AGPS: variants seen among roughly 807,000 people sequenced by gnomAD.
AGPS encodes the protein alkylglycerone phosphate synthase.
Under a neutral mutation model 90.7 loss-of-function variants are expected in AGPS, and 26 were observed. The observed-to-expected ratio is 0.29, with a 90% CI of 0.21 to 0.40. The LOEUF (loss-of-function observed/expected upper bound fraction) is 0.40, where lower values mean the gene tolerates loss of function less well. AGPS is among the 10% of genes least tolerant of loss of function. AGPS has a pLI of 1.00. For missense variants in AGPS, 540 were observed against 816.1 expected (o/e 0.66, Z 4.12); for synonymous variants, 294 against 285.3 (o/e 1.03, Z -0.31).
intron 11 of AGPS, among the ~76,000 whole-genome samples, chr2:177,485,285 T>G (rs545380994): frequency 1.3e-5 from 2 of 152,330 alleles, no homozygotes; most frequent in South Asian, 2.1e-4. Flanking sequence ...CCATCTACTT[T>G]TCCACACTGC....
At chr2:177,517,884 C>G (rs1266651556) in intron 17 of AGPS, among the ~76,000 whole-genome samples, 1 of 152,110 alleles carries the variant, frequency 6.6e-6, no homozygotes, top group East Asian at 1.9e-4. Context: ...TTGAAGAATA[C>G]TGGCCAGTTA....
intron 11 of AGPS, 133 bp from the exon 12 acceptor site, chr2:177,493,015 T>C: frequency 2.6e-6 from 2 of 783,142 alleles, no homozygotes; most frequent in Non-Finnish European, 4.1e-6. Context: ...AAAAGTTAAC[T>C]TTTTTTCCTC....
intron 12 of AGPS, 90 bp from the exon 13 acceptor site, chr2:177,497,599 C>A: frequency 1.6e-6 from 1 of 609,470 alleles, no homozygotes; most frequent in Non-Finnish European, 2.7e-6. Flanking sequence ...AAAACTTTTA[C>A]TTTCTTTTAG....
intron 18 of AGPS, among the ~76,000 whole-genome samples, chr2:177,522,873 C>A (rs1470811552): frequency 6.6e-6 from 1 of 152,132 alleles, no homozygotes; most frequent in African/African-American, 2.4e-5. Flanking sequence ...TTTTGAGAGG[C>A]CCAAGGTACT....
chr2:177,484,681 AT>A (rs750221480), intron 11 of AGPS, among the ~76,000 whole-genome samples: 9 of 151,956 alleles, frequency 5.9e-5, no homozygotes, highest in Non-Finnish European at 1.2e-4. Context: ...AGTTCATGTC[AT>A]TTCTTGTTCA....
intron 9 of AGPS, among the ~76,000 whole-genome samples, chr2:177,467,786 T>G (rs1259242395): frequency 1.3e-5 from 2 of 152,168 alleles, no homozygotes; most frequent in Non-Finnish European, 2.9e-5. Context: ...TAACCACTTC[T>G]GATTCAGATC....
intron 6 of AGPS, among the ~76,000 whole-genome samples, chr2:177,441,856 A>G (rs952746): frequency 0.61 from 92,718 of 152,170 alleles, 30,909 homozygotes; most frequent in Non-Finnish European, 0.72. Flanking sequence ...ATTATTCTAT[A>G]TTAAAATCAC....
intron 19 of AGPS, among the ~76,000 whole-genome samples, chr2:177,536,599 A>G (rs1051085082): frequency 1.3e-5 from 2 of 152,112 alleles, no homozygotes; most frequent in African/African-American, 4.8e-5. Context: ...TCCTGGTAGA[A>G]TATCTTTTAG....
At chr2:177,517,601 T>C (rs1033359673) in intron 17 of AGPS, among the ~76,000 whole-genome samples, 4 of 152,194 alleles carry the variant, frequency 2.6e-5, no homozygotes, top group Non-Finnish European at 5.9e-5. Context: ...AGAATCCCTC[T>C]TGATGGAGAT....
At chr2:177,422,161 A>G (rs1205387030) in intron 2 of AGPS, among the ~76,000 whole-genome samples, 1 of 152,170 alleles carries the variant, frequency 6.6e-6, no homozygotes, top group Non-Finnish European at 1.5e-5. Flanking sequence ...TCTGACACAC[A>G]TGCCACACTT....
intron 9 of AGPS, among the ~76,000 whole-genome samples, chr2:177,465,711 G>A (rs1559058611): frequency 6.6e-6 from 1 of 152,220 alleles, no homozygotes. Context: ...GAATGTGGTG[G>A]TGCCTGGAAG....
intron 5 of AGPS, among the ~76,000 whole-genome samples, chr2:177,439,290 A>G (rs1228063740): frequency 6.6e-6 from 1 of 152,224 alleles, no homozygotes; most frequent in Non-Finnish European, 1.5e-5. Flanking sequence ...AATATGTAAC[A>G]TATTGGGTAG....
intron 12 of AGPS, among the ~76,000 whole-genome samples, chr2:177,494,766 T>C (rs188911416): frequency 2.0e-5 from 3 of 152,330 alleles, no homozygotes; most frequent in Non-Finnish European, 2.9e-5. Flanking sequence ...CTCTGCCCTT[T>C]ACTTAGCCAC....
chr2:177,406,196 C>CT (rs1685462602), intron 1 of AGPS, among the ~76,000 whole-genome samples: 1 of 152,230 alleles, frequency 6.6e-6, no homozygotes, highest in African/African-American at 2.4e-5. Context: ...AATTGTCTCA[C>CT]TTCTAGCCTG....
chr2:177,499,186 G>A (rs907903606), intron 13 of AGPS, among the ~76,000 whole-genome samples: 34 of 151,536 alleles, frequency 2.2e-4, no homozygotes, highest in African/African-American at 7.3e-4. Context: ...GCATAAGATC[G>A]CCTTTGAAAA....
chr2:177,473,973 A>T (rs1345173484), intron 10 of AGPS, among the ~76,000 whole-genome samples: 1 of 152,256 alleles, frequency 6.6e-6, no homozygotes, highest in Non-Finnish European at 1.5e-5. Flanking sequence ...CAGTATATAT[A>T]TGAAGCAATA....
chr2:177,509,089 G>T (rs960721041), intron 16 of AGPS, among the ~76,000 whole-genome samples: 1 of 151,946 alleles, frequency 6.6e-6, no homozygotes, highest in Non-Finnish European at 1.5e-5. Context: ...TTAATATTTT[G>T]GTTTCTTCCA....
intron 1 of AGPS, among the ~76,000 whole-genome samples, chr2:177,416,330 A>T (rs1026141123): frequency 6.6e-6 from 1 of 152,206 alleles, no homozygotes; most frequent in Non-Finnish European, 1.5e-5. Flanking sequence ...TACATCATGT[A>T]CATATCATGG....
chr2:177,498,788 A>G lies in AGPS; in HGVS notation c.1363-830A>G, dbSNP rs747130721. On this transcript the variant is annotated intron_variant, in intron 13 of 19. Coordinates refer to ENST00000264167, the MANE Select transcript of AGPS (RefSeq NM_003659.4). ...CTCATACATTGATTTGCTATGCCTC[A>G]TATCTTATATACTTATCTAAGAAAT... 3.9e-5 allele frequency among the ~76,000 whole-genome samples: 6 copies of G among 151,966 alleles called. No individual in the cohort carries two copies. In the South Asian group the frequency reaches 1.2e-3, roughly 31 times the overall value.
Sources: allele counts gnomAD v4.1 joint callset (sites outside exome capture counted in the v4.1 genomes callset), GRCh38; gene constraint gnomAD v4.1.1; transcripts MANE v1.5; gene names NCBI Gene and HGNC (gene_info 2026-07-23, HGNC 2026-07-21).